The following UROS variants were observed in gnomAD, a reference collection of about 807,000 sequenced individuals.
UROS encodes uroporphyrinogen III synthase.
In UROS, 18 loss-of-function variants were observed where a neutral mutation model predicts 33.0. That is an observed-to-expected ratio of 0.55 (90% CI 0.38 to 0.81). The LOEUF is 0.81. UROS is among the 30% of genes least tolerant of loss of function. The pLI, the probability that UROS is intolerant of heterozygous loss-of-function variation, is 0.00. For synonymous variants in UROS, 114 were observed against 121.1 expected (o/e 0.94, Z 0.38); for missense variants, 293 against 314.9 (o/e 0.93, Z 0.53).
chr10:125,787,561 T>G (rs1444201313), downstream of UROS, among the ~76,000 whole-genome samples: 2 of 152,120 alleles, frequency 1.3e-5, no homozygotes, highest in Non-Finnish European at 2.9e-5. Context: ...GGGGACTCTC[T>G]GGGGGTGGGG....
At chr10:125,791,305 C>A (rs1335939960) in intron 9 of UROS, among the ~76,000 whole-genome samples, 2 of 152,064 alleles carry the variant, frequency 1.3e-5, no homozygotes, top group East Asian at 3.8e-4. Context: ...CACTTCAGAC[C>A]CACAAGGATG....
intron 6 of UROS, among the ~76,000 whole-genome samples, chr10:125,799,852 C>T (rs1851673282): frequency 6.6e-6 from 1 of 152,186 alleles, no homozygotes; most frequent in Non-Finnish European, 1.5e-5. Context: ...GTCCTGAAAA[C>T]TAGCCCACTT....
chr10:125,789,470 G>C (rs1014533366), intron 9 of UROS: 10 of 741,630 alleles, frequency 1.3e-5, no homozygotes, highest in Non-Finnish European at 1.2e-5. Flanking sequence ...TTAAATCCCA[G>C]CTCCACAGGA....
Position 125,788,666 on chromosome 10 carries a change from TTCCAC to T in UROS, c.*197_*201del. ...TCACAGGGCTAGGGTTTAAGCTGGC[TTCCAC>T]AGAGGGCAGTCACGTGCACGTGGGC... On this transcript the variant is annotated 3_prime_UTR_variant, in exon 10 of 10. Transcript: ENST00000368797. 7.0e-7 allele frequency: 1 copy of T among 1,427,652 alleles called. No homozygotes were observed. The highest frequency in any genetic ancestry group is 1.4e-5 in the African/African-American group (1 of 69,690). 88.4% of individuals were successfully genotyped at this position (1,427,652 alleles called of 1,614,324 possible). A position where few individuals can be genotyped will look rare whatever the true frequency, so the allele number is the denominator to read the frequency against.
At chr10:125,795,315 T>C (rs1851263440) in intron 8 of UROS, 1 of 370,078 alleles carries the variant, frequency 2.7e-6, no homozygotes, top group East Asian at 6.4e-5. Context: ...CATGAGGCAG[T>C]GGTGTGAGGC....
At chr10:125,806,357 A>G (rs1371020432) in intron 6 of UROS, among the ~76,000 whole-genome samples, 1 of 152,160 alleles carries the variant, frequency 6.6e-6, no homozygotes, top group Non-Finnish European at 1.5e-5. Context: ...TCACCACCCA[A>G]GGGCCAAGGC....
intron 3 of UROS, 119 bp downstream of exon 3, chr10:125,816,055 ATGC>A: frequency 1.9e-6 from 2 of 1,039,206 alleles, no homozygotes; most frequent in East Asian, 4.9e-5. Flanking sequence ...AGGTGAAGTT[ATGC>A]TGCCATGTTT....
intron 7 of UROS, among the ~76,000 whole-genome samples, chr10:125,797,052 C>T (rs986995542): frequency 2.6e-5 from 4 of 152,120 alleles, no homozygotes; most frequent in African/African-American, 9.7e-5. Flanking sequence ...TTTCTTGTTC[C>T]CGAAAAGCTA....
intron 1 of UROS, among the ~76,000 whole-genome samples, chr10:125,822,530 G>A (rs986061469): frequency 1.3e-5 from 2 of 151,944 alleles, no homozygotes; most frequent in African/African-American, 4.8e-5. Flanking sequence ...GCCATGTTGG[G>A]CAGGCTGGTC....
At chr10:125,820,925 A>G (rs936464954) in intron 1 of UROS, among the ~76,000 whole-genome samples, 12 of 152,176 alleles carry the variant, frequency 7.9e-5, no homozygotes, top group Admixed American at 7.2e-4. Flanking sequence ...TCAGTACTGT[A>G]TTTACTTTCA....
Position 125,816,269 on chromosome 10 carries a change from A to G in UROS, c.64-9T>C. Reference sequence around the variant, plus strand: ...CCATATAATCCTAATTCCTGAAATGAAAGAATATAGTTCTGGATTGGCTAG... The same window carrying G: ...CCATATAATCCTAATTCCTGAAATGGAAGAATATAGTTCTGGATTGGCTAG... On this transcript the variant is annotated splice_polypyrimidine_tract_variant and intron_variant, in intron 2 of 9. Coordinates refer to ENST00000368797, the MANE Select transcript of UROS (RefSeq NM_000375.3). 1.2e-6 allele frequency: 2 copies of G among 1,613,406 alleles called. No homozygotes were observed. The highest frequency in any genetic ancestry group is 1.7e-6 in the Non-Finnish European group (2 of 1,179,324).
intron 1 of UROS, 88 bp from the exon 2 acceptor site, chr10:125,816,613 GCAAT>G: frequency 1.6e-6 from 2 of 1,288,842 alleles, no homozygotes; most frequent in Non-Finnish European, 2.2e-6. Context: ...CAAGAAGAAG[GCAAT>G]CAAATGCTTG....
At chr10:125,818,762 T>A (rs1463111500) in intron 1 of UROS, among the ~76,000 whole-genome samples, 1 of 152,184 alleles carries the variant, frequency 6.6e-6, no homozygotes, top group Non-Finnish European at 1.5e-5. Context: ...GGAAAGGGGC[T>A]GTGAGCCTCT....
At position 125,788,987 on chromosome 10, in the gene UROS, T is replaced by G; in HGVS notation, c.679A>C (p.Thr227Pro). ...DQIKFAAIGP[T>P]TARALAAQGL... Reference sequence around the variant, plus strand: ...TGGGCGGCCAGCGCGCGAGCCGTAGTGGGGCCGATGGCTGCAAACTATAAA... The same window carrying G: ...TGGGCGGCCAGCGCGCGAGCCGTAGGGGGGCCGATGGCTGCAAACTATAAA... The change falls in exon 10 of 10, where the codon ACT (threonine) becomes CCT (proline). Residue 227 changes from threonine to proline, a missense_variant. By Grantham distance (38) the Thr-to-Pro change is conservative (BLOSUM62 -1). Coordinates refer to ENST00000368797, the MANE Select transcript of UROS (RefSeq NM_000375.3). 1.2e-6 allele frequency: 2 copies of G among 1,612,828 alleles called. No homozygotes were observed. Among genetic ancestry groups the G allele is most frequent in the Admixed American group, 1.7e-5 (1 of 60,022 alleles).
chr10:125,812,236 A>G lies in UROS; in HGVS notation c.297T>C (p.Val99=). 6.2e-7 allele frequency: 1 copy of G among 1,613,940 alleles called. No individual in the cohort carries two copies. The highest frequency in any genetic ancestry group is 8.5e-7 in the Non-Finnish European group (1 of 1,179,960). Residue 99 remains valine, a synonymous_variant, in exon 5 of 10, where the codon GTT becomes GTC. Coordinates refer to ENST00000368797, the MANE Select transcript of UROS (RefSeq NM_000375.3). The part of the protein sequence containing the change: ...EKWNAKSVYV[V]GNATASLVSK... ...TACCTAGAGAAGCAGTAGCATTTCC[A>G]ACCACATACACTGACTTGGCATTCC... is the stretch of plus-strand genomic sequence containing the variant.
Position 125,803,045 on chromosome 10 carries a change from A to T in UROS, c.394+4368T>A, listed in dbSNP as rs1564787671. The T allele has an allele frequency of 4.3e-6, 7 of 1,612,786 alleles. No homozygotes were observed. In the South Asian group the frequency reaches 7.7e-5, roughly 18 times the overall value. On this transcript the variant is annotated intron_variant, in intron 6 of 9. Transcript: ENST00000368797. Reference sequence around the variant, plus strand: ...TTCACCTGAGGGAAGAGAAATGAGCATATTTTGGACTTGGACTAAGTATCT... The same window carrying T: ...TTCACCTGAGGGAAGAGAAATGAGCTTATTTTGGACTTGGACTAAGTATCT...
intron 6 of UROS, among the ~76,000 whole-genome samples, chr10:125,804,332 G>A (rs1852122955): frequency 6.6e-6 from 1 of 152,192 alleles, no homozygotes; most frequent in Non-Finnish European, 1.5e-5. Context: ...TGCCAGGAGG[G>A]TGGCGCACCC....
At chr10:125,809,610 A>G (rs1179242581) in intron 5 of UROS, among the ~76,000 whole-genome samples, 2 of 152,110 alleles carry the variant, frequency 1.3e-5, no homozygotes, top group East Asian at 3.9e-4. Flanking sequence ...ATTGATAAGG[A>G]AAAAAAAATT....
At chr10:125,797,566 C>T (rs1030428050) in intron 7 of UROS, among the ~76,000 whole-genome samples, 7 of 152,198 alleles carry the variant, frequency 4.6e-5, no homozygotes, top group South Asian at 2.1e-4. Flanking sequence ...ACATCTGCAT[C>T]GAGGACGGCA....
Sources: gnomAD v4.1 joint callset for allele counts (sites outside exome capture counted in the v4.1 genomes callset) on GRCh38, gnomAD v4.1.1 for gene constraint, MANE v1.5 for transcripts, NCBI Gene and HGNC (gene_info 2026-07-23, HGNC 2026-07-21) for gene names.